The following TNFSF4 variants were observed in gnomAD, a reference collection of about 807,000 sequenced individuals.
TNFSF4 encodes the protein tumor necrosis factor ligand superfamily member 4.
In TNFSF4, 4 loss-of-function variants were observed where a neutral mutation model predicts 7.3. The observed-to-expected ratio is 0.55, with a 90% confidence interval of 0.27 to 1.25. TNFSF4 has a LOEUF of 1.25. TNFSF4 is among the 50% of genes most tolerant of loss of function. The pLI is 0.12. For synonymous variants in TNFSF4, 76 were observed against 83.7 expected, an observed-to-expected ratio of 0.91 and a Z score of 0.50; for missense variants, 181 against 208.8, an observed-to-expected ratio of 0.87 and a Z score of 0.82.
the TNFSF4 span, among the ~76,000 whole-genome samples, chr1:173,249,378 C>T: frequency 3.9e-5 from 6 of 152,182 alleles, no homozygotes; most frequent in Non-Finnish European, 5.9e-5. Flanking sequence ...TAACAAAATG[C>T]AAGCTTGAGG....
chr1:173,321,449 A>C, the TNFSF4 span, among the ~76,000 whole-genome samples: 4 of 152,322 alleles, frequency 2.6e-5, no homozygotes, highest in East Asian at 7.7e-4. Flanking sequence ...CACCAAAAGC[A>C]ATAGCAACAA....
chr1:173,250,502 C>G, the TNFSF4 span, among the ~76,000 whole-genome samples: 12,767 of 151,018 alleles, frequency 0.085, 621 homozygotes, highest in Middle Eastern at 0.12. Flanking sequence ...CTCTGTCACC[C>G]GGGCTGGAGT....
the TNFSF4 span, among the ~76,000 whole-genome samples, chr1:173,343,014 G>C: frequency 6.6e-6 from 1 of 152,176 alleles, no homozygotes; most frequent in Non-Finnish European, 1.5e-5. Flanking sequence ...GGTGCAATAA[G>C]GGATCTCAGA....
chr1:173,407,703 G>GGTGTGTGTGTGTGTGTGTGTGTGTGT, the TNFSF4 span, among the ~76,000 whole-genome samples: 5 of 148,254 alleles, frequency 3.4e-5, no homozygotes, highest in African/African-American at 1.2e-4. Context: ...GATGTAAATG[G>GGTGTGTGTGTGTGTGTGTGTGTGTGT]GTGTGTGTGT....
At chr1:173,281,299 T>C in the TNFSF4 span, among the ~76,000 whole-genome samples, 12 of 152,302 alleles carry the variant, frequency 7.9e-5, no homozygotes, top group African/African-American at 2.6e-4. Flanking sequence ...TTATATTATA[T>C]GCACTCTGAA....
chr1:173,349,039 A>AT, the TNFSF4 span, among the ~76,000 whole-genome samples: 111 of 151,606 alleles, frequency 7.3e-4, no homozygotes, highest in African/African-American at 2.4e-3. Context: ...TATTATTATT[A>AT]TTTTTTTTAG....
At chr1:173,187,522 G>T (rs1044854756) in intron 2 of TNFSF4, among the ~76,000 whole-genome samples, 1 of 152,202 alleles carries the variant, frequency 6.6e-6, no homozygotes, top group Middle Eastern at 3.2e-3. Context: ...GGTCACTTAA[G>T]TTTAATAATG....
At chr1:173,191,131 T>C (rs1482892577) in intron 1 of TNFSF4, among the ~76,000 whole-genome samples, 1 of 152,170 alleles carries the variant, frequency 6.6e-6, no homozygotes, top group Non-Finnish European at 1.5e-5. Flanking sequence ...TAAGGAATGT[T>C]CCAACTTTTT....
At chr1:173,240,773 G>A in the TNFSF4 span, among the ~76,000 whole-genome samples, 7 of 152,160 alleles carry the variant, frequency 4.6e-5, no homozygotes, top group African/African-American at 1.7e-4. Context: ...CAGAATAGCT[G>A]TACCTGTTCA....
the TNFSF4 span, among the ~76,000 whole-genome samples, chr1:173,442,498 C>T: frequency 3.3e-5 from 5 of 150,236 alleles, no homozygotes; most frequent in Admixed American, 2.0e-4. Context: ...CTAATCCACT[C>T]GGGTTTTTTT....
At chr1:173,290,138 A>G in the TNFSF4 span, among the ~76,000 whole-genome samples, 51 of 152,308 alleles carry the variant, frequency 3.3e-4, no homozygotes, top group Non-Finnish European at 5.6e-4. Flanking sequence ...CCACAAAAAC[A>G]CACTCAAGTA....
the TNFSF4 span, among the ~76,000 whole-genome samples, chr1:173,214,976 T>C: frequency 1.3e-5 from 2 of 152,276 alleles, no homozygotes; most frequent in Admixed American, 1.3e-4. Flanking sequence ...ATGGCCTGAA[T>C]GTTTGTGTTC....
chr1:173,319,755 C>T, the TNFSF4 span, among the ~76,000 whole-genome samples: 1 of 152,160 alleles, frequency 6.6e-6, no homozygotes, highest in Non-Finnish European at 1.5e-5. Context: ...AGCAGACCTG[C>T]AGAAGAGGGG....
chr1:173,435,981 T>G, the TNFSF4 span, among the ~76,000 whole-genome samples: 1 of 152,250 alleles, frequency 6.6e-6, no homozygotes, highest in African/African-American at 2.4e-5. Flanking sequence ...TTAAAGACTA[T>G]GCATATTTTA....
At chr1:173,313,720 C>T in the TNFSF4 span, among the ~76,000 whole-genome samples, 1 of 152,020 alleles carries the variant, frequency 6.6e-6, no homozygotes, top group South Asian at 2.1e-4. Context: ...TGTCAATTTT[C>T]ATTACTCATG....
At chr1:173,392,783 C>T in the TNFSF4 span, among the ~76,000 whole-genome samples, 4 of 152,032 alleles carry the variant, frequency 2.6e-5, no homozygotes, top group African/African-American at 9.7e-5. Flanking sequence ...GAGGAAAAGC[C>T]TTATATTTAG....
At chr1:173,265,806 C>T in the TNFSF4 span, among the ~76,000 whole-genome samples, 3 of 152,218 alleles carry the variant, frequency 2.0e-5, no homozygotes, top group Admixed American at 6.5e-5. Context: ...TATTCCCATT[C>T]ATTATTTTAA....
chr1:173,344,683 C>G, the TNFSF4 span, among the ~76,000 whole-genome samples: 1 of 152,200 alleles, frequency 6.6e-6, no homozygotes, highest in Non-Finnish European at 1.5e-5. Context: ...TTAGTCTGTA[C>G]TGACATTTTA....
At chr1:173,409,496 C>T in the TNFSF4 span, among the ~76,000 whole-genome samples, 1 of 152,116 alleles carries the variant, frequency 6.6e-6, no homozygotes, top group Non-Finnish European at 1.5e-5. Flanking sequence ...ATAATTTCCT[C>T]TCCAACAGTT....
Sources: gnomAD v4.1 joint callset for allele counts (sites outside exome capture counted in the v4.1 genomes callset) on GRCh38, gnomAD v4.1.1 for gene constraint, MANE v1.5 for transcripts, NCBI Gene and HGNC (gene_info 2026-07-23, HGNC 2026-07-21) for gene names.